The following NEGR1 variants were observed in gnomAD, a reference collection of about 807,000 sequenced individuals.
NEGR1 encodes IgLON family member 4.
NEGR1 carries 10 observed loss-of-function variants against 40.9 expected under a neutral mutation model. The observed-to-expected ratio is 0.24, with a 90% CI of 0.15 to 0.42. The LOEUF (loss-of-function observed/expected upper bound fraction) is 0.42. NEGR1 is among the 10% of genes least tolerant of loss of function. The pLI is 1.00. For missense variants in NEGR1, 352 were observed against 438.9 expected (o/e 0.80, Z 1.77); for synonymous variants, 185 against 166.8 (o/e 1.11, Z -0.84).
At chr1:71,500,259 G>A (rs1646990580) in intron 6 of NEGR1, among the ~76,000 whole-genome samples, 1 of 151,866 alleles carries the variant, frequency 6.6e-6, no homozygotes. Flanking sequence ...AGCTATGAGG[G>A]TGGGGTCAGC....
intron 1 of NEGR1, among the ~76,000 whole-genome samples, chr1:71,940,280 A>T (rs944229379): frequency 3.3e-5 from 5 of 152,186 alleles, no homozygotes; most frequent in African/African-American, 1.2e-4. Context: ...CGAGTATGGC[A>T]TAGCTTTCCT....
intron 2 of NEGR1, among the ~76,000 whole-genome samples, chr1:71,831,611 A>G (rs758750786): frequency 1.3e-5 from 2 of 151,970 alleles, no homozygotes; most frequent in Non-Finnish European, 2.9e-5. Context: ...TGTGAGACAC[A>G]ATCCTGTAAG....
At chr1:72,257,321 CAAAAA>C (rs34220734) in intron 1 of NEGR1, among the ~76,000 whole-genome samples, 1 of 57,132 alleles carries the variant, frequency 1.8e-5, no homozygotes, top group Non-Finnish European at 3.3e-5. Context: ...GACTCTGTCT[CAAAAA>C]AAAAAAAAAA....
In NEGR1 at chr1:71,915,308, G is replaced by C. The variant is rs540646093; in HGVS notation, c.409+19771C>G. ...TCTATGTTGTGCTGTCATCACTAAA[G>C]AATAGAAAAAATAGAAAGTTGGAGA... On this transcript the variant is annotated intron_variant, in intron 2 of 6. Transcript: ENST00000357731. Among the ~76,000 whole-genome samples, 648 of 152,070 alleles carry C rather than the reference G, an allele frequency of 4.3e-3. 9 individuals are homozygous for C. The South Asian group carries it at 0.043, about 10-fold the overall frequency.
intron 4 of NEGR1, among the ~76,000 whole-genome samples, chr1:71,677,499 TAA>T (rs1169654685): frequency 6.6e-6 from 1 of 152,102 alleles, no homozygotes; most frequent in African/African-American, 2.4e-5. Context: ...GGTTCTTGTG[TAA>T]AGTTATCATA....
intron 6 of NEGR1, among the ~76,000 whole-genome samples, chr1:71,427,159 G>T (rs1377282077): frequency 2.0e-5 from 3 of 152,150 alleles, no homozygotes; most frequent in Non-Finnish European, 4.4e-5. Flanking sequence ...ATATGTAGCT[G>T]GATATTTCTC....
chr1:71,477,019 A>C (rs1041229700), intron 6 of NEGR1: 2 of 152,156 alleles, frequency 1.3e-5, no homozygotes, highest in African/African-American at 4.8e-5. Context: ...TTCTTACCAT[A>C]GCTTGTCTAC....
chr1:72,196,701 T>C lies in NEGR1; in HGVS notation c.176+85618A>G, dbSNP rs555202965. Among the ~76,000 whole-genome samples the C allele has an allele frequency of 2.6e-5, 4 of 151,234 alleles. No individual in the cohort carries two copies. In the South Asian group the frequency reaches 8.3e-4, roughly 32 times the overall value. On this transcript the variant is annotated intron_variant, in intron 1 of 6. Coordinates refer to ENST00000357731, the MANE Select transcript of NEGR1 (RefSeq NM_173808.3). Reference sequence around the variant, plus strand: ...ATCACTTGAACCGGGGTGGCTGAGATTGTAGTGAGCCAAGATCATGCCACT... The same window carrying C: ...ATCACTTGAACCGGGGTGGCTGAGACTGTAGTGAGCCAAGATCATGCCACT...
intron 2 of NEGR1, among the ~76,000 whole-genome samples, chr1:71,880,823 T>G (rs990985474): frequency 1.3e-5 from 2 of 152,026 alleles, no homozygotes; most frequent in Non-Finnish European, 2.9e-5. Context: ...TCACATTTAC[T>G]AGCCACAATA....
At chr1:71,679,497 T>A (rs1228508902) in intron 4 of NEGR1, among the ~76,000 whole-genome samples, 1 of 152,164 alleles carries the variant, frequency 6.6e-6, no homozygotes, top group Non-Finnish European at 1.5e-5. Flanking sequence ...AATGTAAAAA[T>A]TATAATTTCT....
At chr1:71,934,566 T>C (rs1033212455) in intron 2 of NEGR1, among the ~76,000 whole-genome samples, 1 of 152,072 alleles carries the variant, frequency 6.6e-6, no homozygotes, top group African/African-American at 2.4e-5. Context: ...ATTTAAAGAG[T>C]TACTGTGCAT....
At chr1:72,270,045 T>G (rs899952668) in intron 1 of NEGR1, among the ~76,000 whole-genome samples, 2 of 151,792 alleles carry the variant, frequency 1.3e-5, no homozygotes, top group African/African-American at 2.4e-5. Flanking sequence ...TAGTAAGAGT[T>G]ACAAGATAAT....
chr1:72,071,018 G>A (rs12135202), intron 1 of NEGR1, among the ~76,000 whole-genome samples: 4,385 of 152,018 alleles, frequency 0.029, 94 homozygotes, highest in Middle Eastern at 0.051. Flanking sequence ...TCCCATAAAA[G>A]TAAGTGGAAC....
intron 1 of NEGR1, among the ~76,000 whole-genome samples, chr1:72,136,635 T>A: frequency 1.0e-5 from 1 of 97,564 alleles, no homozygotes. Context: ...AAAAAATTAC[T>A]CAATTTGTCC....
At chr1:71,704,209 T>A (rs1004523805) in intron 3 of NEGR1, among the ~76,000 whole-genome samples, 3 of 147,948 alleles carry the variant, frequency 2.0e-5, no homozygotes, top group Admixed American at 6.8e-5. Context: ...ACACAAGATT[T>A]AAAATCAATT....
At chr1:71,595,720 T>C (rs141260327) in intron 5 of NEGR1, among the ~76,000 whole-genome samples, 6 of 152,212 alleles carry the variant, frequency 3.9e-5, no homozygotes, top group Admixed American at 3.9e-4. Context: ...TAAACAGGTG[T>C]TTACAACAGA....
intron 1 of NEGR1, among the ~76,000 whole-genome samples, chr1:72,135,762 C>T (rs192820571): frequency 2.0e-5 from 3 of 152,244 alleles, no homozygotes; most frequent in African/African-American, 4.8e-5. Context: ...GAATTTCAGG[C>T]AACTAACCAA....
At chr1:71,851,764 T>TA (rs932437754) in intron 2 of NEGR1, among the ~76,000 whole-genome samples, 4 of 152,050 alleles carry the variant, frequency 2.6e-5, no homozygotes, top group Admixed American at 6.6e-5. Context: ...GTTTGCTCAT[T>TA]AAAAAAAATT....
intron 6 of NEGR1, among the ~76,000 whole-genome samples, chr1:71,520,292 T>C (rs1263581961): frequency 6.6e-6 from 1 of 152,064 alleles, no homozygotes; most frequent in South Asian, 2.1e-4. Context: ...TAATGCCTTT[T>C]ATTTGGATTC....
Sources: gnomAD v4.1 joint callset for allele counts (sites outside exome capture counted in the v4.1 genomes callset) on GRCh38, gnomAD v4.1.1 for gene constraint, MANE v1.5 for transcripts, NCBI Gene and HGNC (gene_info 2026-07-23, HGNC 2026-07-21) for gene names.